Variants in LAMA4 observed in about 807,000 individuals in gnomAD.
The protein encoded by LAMA4 is laminin subunit alpha-4.
LAMA4 carries 127 observed loss-of-function variants against 207.1 expected under a neutral mutation model. The ratio of observed to expected loss-of-function variants is 0.61; its 90% CI spans 0.53 to 0.71. The LOEUF (loss-of-function observed/expected upper bound fraction) is 0.71. LAMA4 is among the 30% of genes least tolerant of loss of function. The pLI is 0.00. For missense variants in LAMA4, 2,093 were observed against 2,246.5 expected (o/e 0.93, Z 1.38); for synonymous variants, 761 against 816.0 (o/e 0.93, Z 1.15).
At chr6:112,119,022 G>A (rs1011798840) in intron 34 of LAMA4, 134 bp downstream of exon 34, 18 of 863,864 alleles carry the variant, frequency 2.1e-5, no homozygotes, top group Admixed American at 1.2e-4. Context: ...TACTTACTTT[G>A]ATATCCCATT....
At chr6:112,163,326 T>TA (rs200602557) in intron 13 of LAMA4, among the ~76,000 whole-genome samples, 70 of 151,020 alleles carry the variant, frequency 4.6e-4, no homozygotes, top group African/African-American at 1.4e-3. Flanking sequence ...TAAACGGTTG[T>TA]AAAAAAAAAT....
Position 112,129,888 on chromosome 6 carries a change from G to GC in LAMA4, c.4120dup (p.Ala1374GlyfsTer8). ...AAAAATATTATACCTGGTAAAGTAGGCATTACTTATGCAGCCAGTGAAATT... is the reference window on the plus strand; with the variant it reads ...AAAAATATTATACCTGGTAAAGTAGGCCATTACTTATGCAGCCAGTGAAATT... On this transcript the variant is annotated frameshift_variant, in exon 30 of 39. Coordinates refer to ENST00000230538, the MANE Select transcript of LAMA4 (RefSeq NM_001105206.3). LOFTEE classifies it high-confidence loss of function. 1 of 1,601,578 alleles carries GC rather than the reference G, an allele frequency of 6.2e-7. No individual in the cohort carries two copies. Among genetic ancestry groups the GC allele is most frequent in the Non-Finnish European group, 8.5e-7 (1 of 1,172,290 alleles).
chr6:112,201,909 T>A (rs1235603449), intron 4 of LAMA4, among the ~76,000 whole-genome samples: 5 of 152,186 alleles, frequency 3.3e-5, no homozygotes, highest in African/African-American at 1.2e-4. Context: ...CCAGGTCCTA[T>A]ATATATATTT....
At chr6:112,195,556 TATGATTATCATCTTC>T (rs1366900322) in intron 5 of LAMA4, among the ~76,000 whole-genome samples, 1 of 152,188 alleles carries the variant, frequency 6.6e-6, no homozygotes, top group East Asian at 1.9e-4. Flanking sequence ...TTGAAATCAT[TATGATTATCATCTTC>T]ATCTCTGATG....
In LAMA4 at chr6:112,133,408, T is replaced by C; in HGVS notation, c.3637A>G (p.Asn1213Asp). 1 of 1,613,914 alleles carries C rather than the reference T, an allele frequency of 6.2e-7. No homozygotes were observed. Residue 1213 changes from asparagine (N) to aspartate (D), a missense_variant, in exon 27 of 39, where the codon AAT (asparagine) becomes GAT (aspartate). Coordinates refer to ENST00000230538, the MANE Select transcript of LAMA4 (RefSeq NM_001105206.3). ...KGFQFQKKDF[N>D]LLEQTETLGV... Reference sequence around the variant, plus strand: ...AGGGTTTCTGTCTGCTCCAGTAAATTGAAGTCCTTCTTTTGGAACTGGAAG... The same window carrying C: ...AGGGTTTCTGTCTGCTCCAGTAAATCGAAGTCCTTCTTTTGGAACTGGAAG...
chr6:112,177,631 A>G (rs148919227), intron 10 of LAMA4, among the ~76,000 whole-genome samples: 3 of 152,344 alleles, frequency 2.0e-5, no homozygotes, highest in Non-Finnish European at 2.9e-5. Context: ...GAAATCTCCC[A>G]CAGCCCCGCT....
rs138830179 is a variant in LAMA4 at position 112,119,235 on chromosome 6, G to C, written c.4742C>G (p.Pro1581Arg). The C allele has an allele frequency of 9.9e-6, 16 of 1,613,880 alleles. No homozygotes were observed. In the African/African-American group the frequency reaches 1.9e-4, roughly 19 times the overall value. Residue 1581 changes from proline (P) to arginine (R), a missense_variant, in exon 34 of 39, where the codon CCT becomes CGT. This residue lies in a region of LAMA4 where 383 missense variants were observed against 437.8 expected (regional missense o/e 0.87). Transcript: ENST00000230538. ...CTTGATTTTCCAGGTAGCTTCAGTA[G>C]GAGGAAGACTTTCTTCTAGGACTCG... is the stretch of plus-strand genomic sequence containing the variant. ...GLRVLEESLP[P>R]TEATWKIKGP...
At chr6:112,141,617 G>A in intron 20 of LAMA4, 114 bp from the exon 21 acceptor site, 1 of 827,782 alleles carries the variant, frequency 1.2e-6, no homozygotes, top group Non-Finnish European at 2.0e-6. Context: ...GTGACTTCTG[G>A]CCTGAATTAT....
chr6:112,207,873 T>C (rs1554354991), intron 3 of LAMA4, among the ~76,000 whole-genome samples: 1 of 152,212 alleles, frequency 6.6e-6, no homozygotes, highest in Non-Finnish European at 1.5e-5. Flanking sequence ...TTCAGGATCC[T>C]TCCTTCTTTT....
Position 112,120,477 on chromosome 6 carries a change from T to C in LAMA4, c.4476-5A>G. 1 of 1,608,772 alleles carries C rather than the reference T, an allele frequency of 6.2e-7. No individual in the cohort carries two copies. Among genetic ancestry groups the C allele is most frequent in the Non-Finnish European group, 8.5e-7 (1 of 1,175,366 alleles). On this transcript the variant is annotated splice_region_variant and splice_polypyrimidine_tract_variant and intron_variant, in intron 32 of 38. Transcript: ENST00000230538. Reference sequence around the variant, plus strand: ...AGACGAATGGAAAACTGAGATCTGGTAAATGAAAAGAAAGGGATTACCATA... The same window carrying C: ...AGACGAATGGAAAACTGAGATCTGGCAAATGAAAAGAAAGGGATTACCATA...
intron 3 of LAMA4, among the ~76,000 whole-genome samples, chr6:112,211,843 A>G (rs1554356768): frequency 6.6e-6 from 1 of 152,116 alleles, no homozygotes; most frequent in Non-Finnish European, 1.5e-5. Flanking sequence ...AGGATTTTGG[A>G]AAGTGGGATG....
intron 7 of LAMA4, 125 bp from the exon 8 acceptor site, chr6:112,187,726 G>A: frequency 2.1e-6 from 2 of 971,340 alleles, no homozygotes; most frequent in Non-Finnish European, 3.2e-6. Context: ...ATGAAGAGCT[G>A]TAATTCTATT....
Position 112,130,959 on chromosome 6 carries a change from G to A in LAMA4, c.3968+9C>T, listed in dbSNP as rs1554329526. ...CATGGTGGAAAGAATATGAAGTGAG[G>A]AGCTATACCTTGTGGGTGAGACAGA... is the stretch of plus-strand genomic sequence containing the variant. On this transcript the variant is annotated intron_variant, in intron 29 of 38. Coordinates refer to ENST00000230538, the MANE Select transcript of LAMA4 (RefSeq NM_001105206.3). 1 of 1,612,476 alleles carries A rather than the reference G, an allele frequency of 6.2e-7. No homozygotes were observed. Among genetic ancestry groups the A allele is most frequent in the Non-Finnish European group, 8.5e-7 (1 of 1,178,688 alleles).
At chr6:112,143,723 G>A (rs1779848496) in intron 19 of LAMA4, among the ~76,000 whole-genome samples, 1 of 152,186 alleles carries the variant, frequency 6.6e-6, no homozygotes, top group Admixed American at 6.5e-5. Context: ...TCCCAAAGGT[G>A]GGGCTAAGTC....
intron 31 of LAMA4, among the ~76,000 whole-genome samples, chr6:112,127,180 G>T (rs1415212512): frequency 6.6e-6 from 1 of 152,042 alleles, no homozygotes; most frequent in African/African-American, 2.4e-5. Context: ...AAATGAATGA[G>T]CTTGCATTTA....
intron 31 of LAMA4, among the ~76,000 whole-genome samples, chr6:112,125,418 A>G (rs1778631954): frequency 1.3e-5 from 2 of 152,196 alleles, no homozygotes; most frequent in Non-Finnish European, 2.9e-5. Flanking sequence ...TCGTGCATCT[A>G]AAACACAGGG....
intron 6 of LAMA4, among the ~76,000 whole-genome samples, chr6:112,190,885 TTCTTTCTTTCTTTCTTTCTTTC>T (rs1782988831): frequency 1.6e-5 from 1 of 60,730 alleles, no homozygotes; most frequent in Admixed American, 1.9e-4. Flanking sequence ...CTTTCTTTCT[TTCTTTCTTTCTTTCTTTCTTTC>T]TTTCTTTCTT....
chr6:112,154,614 A>G (rs1554336456), intron 16 of LAMA4, among the ~76,000 whole-genome samples: 1 of 152,100 alleles, frequency 6.6e-6, no homozygotes, highest in East Asian at 1.9e-4. Context: ...TAGCCACAGT[A>G]TGTGAGATAG....
intron 5 of LAMA4, 58 bp downstream of exon 5, chr6:112,201,550 T>G: frequency 2.2e-6 from 3 of 1,363,408 alleles, no homozygotes; most frequent in Non-Finnish European, 3.2e-6. Flanking sequence ...CTGTTGAGTG[T>G]GAGAAACAGA....
Sources: allele counts gnomAD v4.1 joint callset (sites outside exome capture counted in the v4.1 genomes callset), GRCh38; gene constraint gnomAD v4.1.1; regional missense constraint gnomAD v4.1.1; transcripts MANE v1.5; gene names NCBI Gene and HGNC (gene_info 2026-07-23, HGNC 2026-07-21).